Variants in NEMP2 observed in about 807,000 individuals in gnomAD.
NEMP2 encodes UPF0571 transmembrane protein.
NEMP2 carries 53 observed loss-of-function variants against 54.2 expected under a neutral mutation model. That is an observed-to-expected ratio of 0.98 (90% confidence interval 0.78 to 1.23). The LOEUF (loss-of-function observed/expected upper bound fraction) is 1.23. Among genes scored for constraint, NEMP2 ranks in the 50% most tolerant of loss-of-function variants. NEMP2 has a pLI of 0.00. For synonymous variants in NEMP2, 197 were observed against 190.3 expected, an observed-to-expected ratio of 1.04 and a Z score of -0.29; for missense variants, 455 against 511.3, an observed-to-expected ratio of 0.89 and a Z score of 1.06.
In NEMP2 at chr2:190,525,404, T is replaced by C. The variant is rs1382143768; in HGVS notation, c.98-26A>G. ...CTGAGAGATGGAAAAGGGAATGCAT[T>C]TTCTAACTGTTTAATTGCCCAGAAT... On this transcript the variant is annotated intron_variant, in intron 1 of 8. Coordinates refer to ENST00000409150, the MANE Select transcript of NEMP2 (RefSeq NM_001142645.2). This position sits in a 1 kb window ranked among gnomAD's most constrained non-coding sequence, Gnocchi z 5.0. The C allele has an allele frequency of 2.3e-6, 3 of 1,299,908 alleles. No individual in the cohort carries two copies. Among genetic ancestry groups the C allele is most frequent in the Non-Finnish European group, 3.2e-6 (3 of 931,528 alleles). The allele number at this position is 1,299,908 out of a possible 1,614,324, so 80.5% of individuals were successfully genotyped here.
chr2:190,421,931 C>T, the NEMP2 span, among the ~76,000 whole-genome samples: 1 of 151,822 alleles, frequency 6.6e-6, no homozygotes, highest in African/African-American at 2.4e-5. Context: ...TAGAAGAAAC[C>T]AAGTTAACTC....
rs1388940768 is a variant in NEMP2 at position 190,533,105 on chromosome 2, G to A, written c.97+1454C>T. Among the ~76,000 whole-genome samples the A allele has an allele frequency of 1.3e-5, 2 of 152,120 alleles. No individual in the cohort carries two copies. The highest frequency in any genetic ancestry group is 2.9e-5 in the Non-Finnish European group (2 of 68,026). ...GGTTCACTGAGGTGAGGAAAATACT[G>A]GAAACTCTTCAGTAAAAACATCTTC... is the stretch of plus-strand genomic sequence containing the variant. On this transcript the variant is annotated intron_variant, in intron 1 of 8. Coordinates refer to ENST00000409150, the MANE Select transcript of NEMP2 (RefSeq NM_001142645.2). The surrounding 1 kb of genome is among the most constrained non-coding windows in gnomAD (Gnocchi z 4.3).
At chr2:190,545,626 C>T in the NEMP2 span, among the ~76,000 whole-genome samples, 1 of 152,192 alleles carries the variant, frequency 6.6e-6, no homozygotes, top group Admixed American at 6.5e-5. Flanking sequence ...CCCCAGCAAT[C>T]ACAATCTATG....
the NEMP2 span, among the ~76,000 whole-genome samples, chr2:190,553,870 G>T: frequency 6.6e-6 from 1 of 152,086 alleles, no homozygotes; most frequent in Non-Finnish European, 1.5e-5. Flanking sequence ...AGAGATTGCT[G>T]GCAAGATGGC....
At chr2:190,589,889 G>A in the NEMP2 span, among the ~76,000 whole-genome samples, 13 of 152,194 alleles carry the variant, frequency 8.5e-5, no homozygotes, top group Non-Finnish European at 1.8e-4. This position sits in a 1 kb window ranked among gnomAD's most constrained non-coding sequence, Gnocchi z 4.3. Flanking sequence ...GCTGCAAACT[G>A]TGGAGATAAA....
At chr2:190,436,677 A>G in the NEMP2 span, 2 of 1,614,222 alleles carry the variant, frequency 1.2e-6, no homozygotes, top group Non-Finnish European at 1.7e-6. This position sits in a 1 kb window ranked among gnomAD's most constrained non-coding sequence, Gnocchi z 5.3. Context: ...CTTTGCCAAC[A>G]GCTCCAAACA....
chr2:190,547,258 G>C, the NEMP2 span, among the ~76,000 whole-genome samples: 2 of 152,120 alleles, frequency 1.3e-5, no homozygotes, highest in Admixed American at 6.6e-5. The surrounding 1 kb of genome is among the most constrained non-coding windows in gnomAD (Gnocchi z 6.2). Flanking sequence ...AAATCACTAT[G>C]GTGATATTTT....
intron 6 of NEMP2, 143 bp downstream of exon 6, chr2:190,516,123 TAAAC>T (rs1214294941): frequency 3.6e-6 from 2 of 552,068 alleles, no homozygotes; most frequent in Non-Finnish European, 3.2e-6. Flanking sequence ...GGGAATAAGA[TAAAC>T]AAAATATTAT....
At position 190,525,589 on chromosome 2, in the gene NEMP2, G is replaced by A. The variant is rs563675132; in HGVS notation, c.98-211C>T. ...CCAAGTGTCAATATTTATGACATTG[G>A]AGGGCACTATAAGAGCACAGAGAAC... On this transcript the variant is annotated intron_variant, in intron 1 of 8. Coordinates refer to ENST00000409150, the MANE Select transcript of NEMP2 (RefSeq NM_001142645.2). The surrounding 1 kb of genome is among the most constrained non-coding windows in gnomAD (Gnocchi z 5.0). Among the ~76,000 whole-genome samples, 198 of 152,212 alleles carry A rather than the reference G, an allele frequency of 1.3e-3. No individual in the cohort carries two copies. The highest frequency in any genetic ancestry group is 1.7e-3 in the Non-Finnish European group (117 of 68,018).
chr2:190,570,879 A>G, the NEMP2 span, among the ~76,000 whole-genome samples: 151 of 152,386 alleles, frequency 9.9e-4, no homozygotes, highest in African/African-American at 3.4e-3. The surrounding 1 kb of genome is among the most constrained non-coding windows in gnomAD (Gnocchi z 5.4). Context: ...AAACAAAAAC[A>G]ATCTGTCCAT....
At chr2:190,629,018 C>T in the NEMP2 span, among the ~76,000 whole-genome samples, 5 of 152,320 alleles carry the variant, frequency 3.3e-5, no homozygotes, top group South Asian at 1.0e-3. Context: ...CAGAATTAGA[C>T]AGATGACATA....
the NEMP2 span, among the ~76,000 whole-genome samples, chr2:190,632,711 T>C: frequency 5.1e-4 from 77 of 152,264 alleles, no homozygotes; most frequent in Non-Finnish European, 6.9e-4. The surrounding 1 kb of genome is among the most constrained non-coding windows in gnomAD (Gnocchi z 4.8). Context: ...GAAGGATGGG[T>C]AAACTCTATT....
chr2:190,611,876 G>A, the NEMP2 span, among the ~76,000 whole-genome samples: 1 of 152,142 alleles, frequency 6.6e-6, no homozygotes, highest in South Asian at 2.1e-4. The surrounding 1 kb of genome is among the most constrained non-coding windows in gnomAD (Gnocchi z 5.4). Context: ...TATGTACTAG[G>A]TGTGGAGCCT....
At chr2:190,636,883 C>T in the NEMP2 span, among the ~76,000 whole-genome samples, 1 of 152,208 alleles carries the variant, frequency 6.6e-6, no homozygotes, top group African/African-American at 2.4e-5. Flanking sequence ...ACTTCTTCCT[C>T]CCCCTTTATC....
the NEMP2 span, among the ~76,000 whole-genome samples, chr2:190,567,710 A>G: frequency 0.017 from 2,638 of 152,252 alleles, 42 homozygotes; most frequent in Non-Finnish European, 0.022. The surrounding 1 kb of genome is among the most constrained non-coding windows in gnomAD (Gnocchi z 4.0). Flanking sequence ...GTGCAGTGGC[A>G]TGATCTCGAC....
the NEMP2 span, among the ~76,000 whole-genome samples, chr2:190,466,486 T>A: frequency 3.3e-5 from 5 of 152,244 alleles, 1 homozygote; most frequent in Admixed American, 2.0e-4. Context: ...GAGGAAGGAA[T>A]GCGAATGCTC....
the NEMP2 span, among the ~76,000 whole-genome samples, chr2:190,594,712 C>T: frequency 2.6e-5 from 4 of 152,088 alleles, no homozygotes; most frequent in East Asian, 1.9e-4. The surrounding 1 kb of genome is among the most constrained non-coding windows in gnomAD (Gnocchi z 5.6). Flanking sequence ...GGACTACAGG[C>T]GTGTGCCAGT....
the NEMP2 span, among the ~76,000 whole-genome samples, chr2:190,560,845 G>T: frequency 8.5e-4 from 130 of 152,158 alleles, no homozygotes; most frequent in African/African-American, 2.9e-3. This position sits in a 1 kb window ranked among gnomAD's most constrained non-coding sequence, Gnocchi z 5.4. Flanking sequence ...CTGAGCTCTG[G>T]GTAGAATTAG....
At chr2:190,613,176 T>A in the NEMP2 span, among the ~76,000 whole-genome samples, 1 of 152,178 alleles carries the variant, frequency 6.6e-6, no homozygotes, top group Non-Finnish European at 1.5e-5. Flanking sequence ...ATTCATTAAC[T>A]AAGGTCATAG....
Sources: gnomAD v4.1 joint callset for allele counts (sites outside exome capture counted in the v4.1 genomes callset) on GRCh38, gnomAD v4.1.1 for gene constraint, Gnocchi (gnomAD v3.1) non-coding constraint, MANE v1.5 for transcripts, NCBI Gene and HGNC (gene_info 2026-07-23, HGNC 2026-07-21) for gene names.